SH2D3C: variants seen among roughly 807,000 people sequenced by gnomAD.
SH2D3C encodes SH2 domain containing 3C.
A neutral mutation model predicts 75.2 loss-of-function variants in SH2D3C; 25 were observed. The observed-to-expected ratio is 0.33, with a 90% CI of 0.24 to 0.46. SH2D3C has a LOEUF of 0.46. Among genes scored for constraint, SH2D3C ranks in the 20% least tolerant of loss-of-function variants. The pLI is 1.00. For missense variants in SH2D3C, 933 were observed against 1,165.3 expected (o/e 0.80, Z 2.90); for synonymous variants, 450 against 473.7 (o/e 0.95, Z 0.65).
At chr9:127,752,438 C>T (rs953096936) in intron 3 of SH2D3C, among the ~76,000 whole-genome samples, 18 of 152,110 alleles carry the variant, frequency 1.2e-4, no homozygotes, top group African/African-American at 4.3e-4. Flanking sequence ...TACTCCAAGA[C>T]AGACAGACCC....
At chr9:127,773,483 C>T (rs1400102427) in intron 2 of SH2D3C, among the ~76,000 whole-genome samples, 1 of 152,166 alleles carries the variant, frequency 6.6e-6, no homozygotes, top group Non-Finnish European at 1.5e-5. Flanking sequence ...TGATGTCACT[C>T]TGTGAATCTC....
intron 5 of SH2D3C, among the ~76,000 whole-genome samples, chr9:127,748,908 GGA>G (rs1845112820): frequency 6.6e-6 from 1 of 152,182 alleles, no homozygotes; most frequent in African/African-American, 2.4e-5. Context: ...CCTGGGGTAG[GGA>G]GGGCTGCTTG....
chr9:127,739,665 T>G lies in SH2D3C; in HGVS notation c.2407+17A>C, dbSNP rs774351980. The G allele has an allele frequency of 9.4e-6, 15 of 1,587,946 alleles. No individual in the cohort carries two copies. Among genetic ancestry groups the G allele is most frequent in the African/African-American group, 1.3e-5 (1 of 74,412 alleles). ...GCCCAGGCCTGCAAGCCCCCCAAGA[T>G]GCCACCCGCCACTCACCCTGCAGCT... On this transcript the variant is annotated intron_variant, in intron 11 of 11. Coordinates refer to ENST00000314830, the MANE Select transcript of SH2D3C (RefSeq NM_170600.3). This position sits in a 1 kb window ranked among gnomAD's most constrained non-coding sequence, Gnocchi z 4.3.
At chr9:127,747,875 C>A (rs538883889) in intron 5 of SH2D3C, among the ~76,000 whole-genome samples, 1 of 152,232 alleles carries the variant, frequency 6.6e-6, no homozygotes, top group South Asian at 2.1e-4. Context: ...TTCCACATGA[C>A]CCTGCTCTCC....
intron 3 of SH2D3C, among the ~76,000 whole-genome samples, chr9:127,757,279 T>G (rs1354890144): frequency 1.3e-5 from 2 of 151,172 alleles, no homozygotes; most frequent in African/African-American, 2.4e-5. Context: ...TTGATTTTTT[T>G]TTTTTTTTGA....
intron 2 of SH2D3C, among the ~76,000 whole-genome samples, chr9:127,768,037 C>T (rs1263129020): frequency 6.6e-6 from 1 of 152,174 alleles, no homozygotes; most frequent in African/African-American, 2.4e-5. Context: ...CAGCCCAAGG[C>T]GTCCGGGGGT....
intron 6 of SH2D3C, among the ~76,000 whole-genome samples, chr9:127,746,133 A>G (rs573768513): frequency 6.6e-6 from 1 of 152,326 alleles, no homozygotes; most frequent in Non-Finnish European, 1.5e-5. Context: ...AAACTGTCCA[A>G]TAAGTCATTC....
rs1021719611 is a variant in SH2D3C at position 127,754,919 on chromosome 9, G to A, written c.556-3619C>T. The A allele has an allele frequency of 1.5e-5, 8 of 516,504 alleles. No individual in the cohort carries two copies. The highest frequency in any genetic ancestry group is 2.3e-5 in the Non-Finnish European group (6 of 263,444). 32.0% of individuals were successfully genotyped at this position (516,504 alleles called of 1,614,324 possible). On this transcript the variant is annotated intron_variant, in intron 3 of 11. Coordinates refer to ENST00000314830, the MANE Select transcript of SH2D3C (RefSeq NM_170600.3). This position sits in a 1 kb window ranked among gnomAD's most constrained non-coding sequence, Gnocchi z 4.4. The stretch of plus-strand genomic sequence containing the variant: ...CGCCTGGGCGCCCAGAGGTGAGGCT[G>A]GGGTGACCCCGCCCCCTCCCCGGGT...
intron 8 of SH2D3C, chr9:127,742,610 A>T: frequency 2.2e-6 from 1 of 451,004 alleles, no homozygotes. Flanking sequence ...GGTCAAGGGG[A>T]TGACTGGTCA....
At position 127,775,195 on chromosome 9, in the gene SH2D3C, G is replaced by A. The variant is rs117431899; in HGVS notation, c.38-728C>T. Among the ~76,000 whole-genome samples the A allele has an allele frequency of 2.3e-3, 353 of 152,188 alleles. 7 individuals are homozygous for A. In the East Asian group the frequency reaches 0.051, roughly 22 times the overall value. ...AATTAGCAAAGATGATGATGATGAC[G>A]ATAATAAATGTTTCTCAGCTGGGTG... On this transcript the variant is annotated intron_variant, in intron 1 of 11. Coordinates refer to ENST00000314830, the MANE Select transcript of SH2D3C (RefSeq NM_170600.3).
rs759348342 is a variant in SH2D3C at position 127,738,832 on chromosome 9, G to T, written c.2497C>A (p.Gln833Lys). 239 of 1,604,178 alleles carry T rather than the reference G, an allele frequency of 1.5e-4. No homozygotes were observed. The highest frequency in any genetic ancestry group is 1.4e-4 in the Admixed American group (8 of 58,286). Reference sequence around the variant, plus strand: ...TCGAACTTCTCATAGCGCCGGGCCTGGCTGCTGCTGGCACCCTGACTGCCC... The same window carrying T: ...TCGAACTTCTCATAGCGCCGGGCCTTGCTGCTGCTGGCACCCTGACTGCCC... ...LWGSQGASSS[Q>K]ARRYEKFDKV... The change falls in exon 12 of 12, where the codon CAG becomes AAG. Residue 833 changes from glutamine to lysine, a missense_variant. By Grantham distance (53) the Gln-to-Lys change is moderately conservative. Transcript: ENST00000314830. The surrounding 1 kb of genome is among the most constrained non-coding windows in gnomAD (Gnocchi z 5.0).
intron 5 of SH2D3C, 41 bp from the exon 6 acceptor site, chr9:127,747,312 CA>C: frequency 1.3e-6 from 2 of 1,586,088 alleles, no homozygotes; most frequent in Non-Finnish European, 8.5e-7. Context: ...GCCCGGAGGT[CA>C]GGGGCCTCAG....
chr9:127,741,701 C>T (rs1338245703), intron 9 of SH2D3C, 87 bp downstream of exon 9: 2 of 1,470,818 alleles, frequency 1.4e-6, no homozygotes, highest in African/African-American at 1.4e-5. Context: ...CAAAGCTCCT[C>T]CTGATTCCAT....
At chr9:127,756,946 TG>T (rs1236784329) in intron 3 of SH2D3C, among the ~76,000 whole-genome samples, 1 of 152,138 alleles carries the variant, frequency 6.6e-6, no homozygotes, top group Non-Finnish European at 1.5e-5. Flanking sequence ...CTTGTTTTTT[TG>T]AGACAGAGTT....
chr9:127,765,587 C>G (rs2131799492), intron 2 of SH2D3C, among the ~76,000 whole-genome samples: 1 of 152,230 alleles, frequency 6.6e-6, no homozygotes, highest in South Asian at 2.1e-4. Context: ...AAACTTCCTC[C>G]AAAGAGCTCC....
chr9:127,738,752 C>T lies in SH2D3C; in HGVS notation c.2577G>A (p.Glu859=). 1.3e-6 allele frequency: 2 copies of T among 1,598,856 alleles called. No individual in the cohort carries two copies. The highest frequency in any genetic ancestry group is 2.7e-5 in the African/African-American group (2 of 74,778). The change falls in exon 12 of 12, where the codon GAG becomes GAA. Residue 859 remains glutamate, a synonymous_variant. Transcript: ENST00000314830. This position sits in a 1 kb window ranked among gnomAD's most constrained non-coding sequence, Gnocchi z 5.0. ...AGGGGAAATGTCCCTGGGGTCACAG[C>T]TCGCTGGAGCGGACAGCAGGTTCCA... ...HKLEPAVRSS[E]L is the part of the protein sequence containing the mutation.
At chr9:127,776,045 T>A (rs985796965) in intron 1 of SH2D3C, among the ~76,000 whole-genome samples, 1 of 152,028 alleles carries the variant, frequency 6.6e-6, no homozygotes, top group Non-Finnish European at 1.5e-5. Context: ...GCCAGGCTAG[T>A]CTCAAACTCC....
Position 127,774,228 on chromosome 9 carries a change from C to T in SH2D3C, c.277G>A (p.Ala93Thr). Residue 93 changes from alanine (A) to threonine (T), a missense_variant, in exon 2 of 12, where the codon GCT (alanine) becomes ACT (threonine). Physicochemically the swap from Ala to Thr is moderately conservative, Grantham distance 58. Transcript: ENST00000314830. This position sits in a 1 kb window ranked among gnomAD's most constrained non-coding sequence, Gnocchi z 4.3. ...CCCGCCTCCTGGGCCTGCCGGGCAG[C>T]CTGTGAGTTCTGTGCTTTCTTGATG... is the stretch of plus-strand genomic sequence containing the variant. The part of the protein sequence containing the change: ...PSIKKAQNSQ[A>T]ARQAQEAGPK... 6.2e-7 allele frequency: 1 copy of T among 1,614,034 alleles called. No homozygotes were observed. The highest frequency in any genetic ancestry group is 8.5e-7 in the Non-Finnish European group (1 of 1,179,986).
At chr9:127,742,004 G>A in intron 8 of SH2D3C, 45 bp from the exon 9 acceptor site, 1 of 1,554,540 alleles carries the variant, frequency 6.4e-7, no homozygotes, top group Non-Finnish European at 8.7e-7. Flanking sequence ...GGGGACAGGG[G>A]TGAGGGGTGC....
Sources: allele counts gnomAD v4.1 joint callset (sites outside exome capture counted in the v4.1 genomes callset), GRCh38; gene constraint gnomAD v4.1.1; non-coding constraint Gnocchi (gnomAD v3.1); transcripts MANE v1.5; gene names NCBI Gene and HGNC (gene_info 2026-07-23, HGNC 2026-07-21).